The following EFNB2 variants were observed in gnomAD, a reference collection of about 807,000 sequenced individuals.
EFNB2 encodes ephrin B2.
EFNB2 carries 5 observed loss-of-function variants against 32.1 expected under a neutral mutation model. That is an observed-to-expected ratio of 0.16 (90% confidence interval 0.08 to 0.33). The LOEUF is 0.33. EFNB2 is among the 10% of genes least tolerant of loss of function. The pLI is 1.00. For missense variants in EFNB2, 263 were observed against 422.6 expected (o/e 0.62, Z 3.31); for synonymous variants, 168 against 166.5 (o/e 1.01, Z -0.07).
At chr13:106,507,715 TAAGG>T (rs1879001726) in intron 2 of EFNB2, among the ~76,000 whole-genome samples, 1 of 152,206 alleles carries the variant, frequency 6.6e-6, no homozygotes, top group African/African-American at 2.4e-5. Context: ...CAGTGTTCCT[TAAGG>T]AAGACTTTGC....
chr13:106,533,462 G>A (rs2138950549), intron 1 of EFNB2, among the ~76,000 whole-genome samples: 2 of 152,364 alleles, frequency 1.3e-5, no homozygotes, highest in South Asian at 2.1e-4. Context: ...ATGGAAGGAG[G>A]CAGAGCTAAG....
intron 2 of EFNB2, among the ~76,000 whole-genome samples, chr13:106,508,465 A>G (rs1879032096): frequency 6.6e-6 from 1 of 152,244 alleles, no homozygotes; most frequent in Admixed American, 6.5e-5. Flanking sequence ...CCACATGGCC[A>G]TAATATCTCC....
chr13:106,500,766 G>C (rs1878751033), intron 2 of EFNB2, among the ~76,000 whole-genome samples: 1 of 152,154 alleles, frequency 6.6e-6, no homozygotes, highest in Non-Finnish European at 1.5e-5. Context: ...CTTCTTAGGC[G>C]AGTCTTCCTA....
chr13:106,496,288 C>A (rs115189842), intron 2 of EFNB2, among the ~76,000 whole-genome samples: 2,924 of 152,264 alleles, frequency 0.019, 90 homozygotes, highest in African/African-American at 0.066. Flanking sequence ...ATTAGCTTGA[C>A]GCTCTGTTTG....
chr13:106,506,300 TAA>T (rs1878949645), intron 2 of EFNB2: 1 of 152,106 alleles, frequency 6.6e-6, no homozygotes, highest in Admixed American at 6.5e-5. Context: ...AAATTATCAA[TAA>T]AGAGACACTA....
At chr13:106,507,347 A>G (rs1246524979) in intron 2 of EFNB2, among the ~76,000 whole-genome samples, 6 of 152,228 alleles carry the variant, frequency 3.9e-5, no homozygotes, top group Non-Finnish European at 8.8e-5. Context: ...TCCTGTAACT[A>G]TCTTGCTAAA....
chr13:106,496,777 T>C (rs1878606245), intron 2 of EFNB2, among the ~76,000 whole-genome samples: 1 of 152,204 alleles, frequency 6.6e-6, no homozygotes, highest in Non-Finnish European at 1.5e-5. Context: ...CTGAATAGCT[T>C]TGTAACTCAA....
rs1019615548 is a variant in EFNB2 at position 106,535,430 on chromosome 13, T to A, written c.-466A>T. The A allele has an allele frequency of 6.7e-6, 1 of 148,926 alleles. No individual in the cohort carries two copies. The highest frequency in any genetic ancestry group is 6.6e-5 in the Admixed American group (1 of 15,048). The allele number at this position is 148,926 out of a possible 1,614,324, so 9.2% of individuals were successfully genotyped here. ...GCGGCCCGAGCGCGCGGGCGCCGCG[T>A]CGGCGCGGTTCCATGTCCCGGAGCA... On this transcript the variant is annotated 5_prime_UTR_variant, in exon 1 of 5. Transcript: ENST00000646441.
intron 1 of EFNB2, among the ~76,000 whole-genome samples, chr13:106,525,378 A>C (rs991142963): frequency 6.6e-6 from 1 of 152,182 alleles, no homozygotes; most frequent in African/African-American, 2.4e-5. Context: ...ATCCATGATC[A>C]TACTCATTTT....
intron 1 of EFNB2, chr13:106,520,867 G>A (rs559473407): frequency 6.6e-6 from 1 of 152,182 alleles, no homozygotes; most frequent in Admixed American, 6.5e-5. Flanking sequence ...AAATACTGGG[G>A]TGTAGCGATA....
At chr13:106,519,269 C>T (rs750057924) in intron 1 of EFNB2, 7 of 152,156 alleles carry the variant, frequency 4.6e-5, no homozygotes, top group Non-Finnish European at 8.8e-5. Flanking sequence ...GCCACTTCTA[C>T]CTAATATTAC....
rs1005529657 is a variant in EFNB2 at position 106,535,034 on chromosome 13, C to G, written c.-70G>C. On this transcript the variant is annotated 5_prime_UTR_variant, in exon 1 of 5. Coordinates refer to ENST00000646441, the MANE Select transcript of EFNB2 (RefSeq NM_004093.4). ...CTGACGGGACGCAGGCTGGGACCCC[C>G]AATCCTCCGGGGCAGACTGGCGGGG... is the stretch of plus-strand genomic sequence containing the variant. 1.1e-5 allele frequency: 18 copies of G among 1,590,652 alleles called. No individual in the cohort carries two copies. The highest frequency in any genetic ancestry group is 1.5e-5 in the Non-Finnish European group (18 of 1,169,844).
chr13:106,505,607 T>G (rs940867980), intron 2 of EFNB2, among the ~76,000 whole-genome samples: 1 of 152,224 alleles, frequency 6.6e-6, no homozygotes, highest in African/African-American at 2.4e-5. Flanking sequence ...AGTATTTGCT[T>G]GTCTGGTCTG....
At chr13:106,496,140 T>A (rs1469307111) in intron 2 of EFNB2, among the ~76,000 whole-genome samples, 2 of 152,236 alleles carry the variant, frequency 1.3e-5, no homozygotes, top group East Asian at 3.8e-4. Context: ...ATAAAAGGGA[T>A]GGCATCCTTC....
chr13:106,496,141 GGCA>G, intron 2 of EFNB2, among the ~76,000 whole-genome samples: 1 of 152,138 alleles, frequency 6.6e-6, no homozygotes, highest in African/African-American at 2.4e-5. Context: ...TAAAAGGGAT[GGCA>G]TCCTTCAAAA....
rs74113032 is a variant in EFNB2 at position 106,500,408 on chromosome 13, T to C, written c.407-4568A>G. ...GGTATCACAGTTCTTATGGAAAGAA[T>C]GAAGCACCAGGAAATATAAATACTA... is the stretch of plus-strand genomic sequence containing the variant. On this transcript the variant is annotated intron_variant, in intron 2 of 4. Transcript: ENST00000646441. Among the ~76,000 whole-genome samples the C allele has an allele frequency of 5.5e-3, 839 of 152,294 alleles. 10 individuals are homozygous for C. The highest frequency in any genetic ancestry group is 0.02 in the African/African-American group (816 of 41,562).
intron 1 of EFNB2, among the ~76,000 whole-genome samples, chr13:106,515,562 A>C (rs1879285255): frequency 6.6e-6 from 1 of 152,216 alleles, no homozygotes; most frequent in Admixed American, 6.5e-5. Context: ...GGCTCTTCAA[A>C]AGTAATTGTT....
chr13:106,496,347 CTT>C (rs1480407086), intron 2 of EFNB2, among the ~76,000 whole-genome samples: 3 of 152,214 alleles, frequency 2.0e-5, no homozygotes, highest in Non-Finnish European at 4.4e-5. Flanking sequence ...TCCCACAACC[CTT>C]GTCTTCTTTT....
At chr13:106,509,321 T>C (rs1879057548) in intron 2 of EFNB2, among the ~76,000 whole-genome samples, 1 of 152,228 alleles carries the variant, frequency 6.6e-6, no homozygotes, top group South Asian at 2.1e-4. Flanking sequence ...CAGGTCTCTT[T>C]TTCCTCTCCA....
Sources: gnomAD v4.1 joint callset for allele counts (sites outside exome capture counted in the v4.1 genomes callset) on GRCh38, gnomAD v4.1.1 for gene constraint, MANE v1.5 for transcripts, NCBI Gene and HGNC (gene_info 2026-07-23, HGNC 2026-07-21) for gene names.